Variants in CTNNA3 observed in about 807,000 individuals in gnomAD.
The protein encoded by CTNNA3 is catenin alpha-3.
Under a neutral mutation model 95.7 loss-of-function variants are expected in CTNNA3, and 76 were observed. The observed-to-expected ratio is 0.79, with a 90% confidence interval of 0.66 to 0.96. The LOEUF (loss-of-function observed/expected upper bound fraction) is 0.96, where lower values mean the gene tolerates loss of function less well. CTNNA3 is among the 40% of genes least tolerant of loss of function. The pLI is 0.00. For synonymous variants in CTNNA3, 431 were observed against 374.4 expected (o/e 1.15, Z -1.74); for missense variants, 1,191 against 1,089.8 (o/e 1.09, Z -1.31).
chr10:67,725,652 A>G (rs1841205806), intron 1 of CTNNA3, among the ~76,000 whole-genome samples: 1 of 151,912 alleles, frequency 6.6e-6, no homozygotes, highest in Admixed American at 6.6e-5. Flanking sequence ...GAGGGAAAAA[A>G]TAAAGAGATA....
intron 10 of CTNNA3, among the ~76,000 whole-genome samples, chr10:66,546,009 G>T (rs1842024502): frequency 6.6e-6 from 1 of 150,896 alleles, no homozygotes; most frequent in African/African-American, 2.4e-5. Flanking sequence ...TGTCAGTTAA[G>T]TATTTTGCAA....
At chr10:66,920,859 C>A (rs1417585877) in intron 7 of CTNNA3, among the ~76,000 whole-genome samples, 1 of 152,114 alleles carries the variant, frequency 6.6e-6, no homozygotes, top group African/African-American at 2.4e-5. Flanking sequence ...TAGAAAAGTT[C>A]TGTTGATTTT....
At chr10:66,099,075 C>T (rs1279585215) in intron 14 of CTNNA3, among the ~76,000 whole-genome samples, 3 of 152,148 alleles carry the variant, frequency 2.0e-5, no homozygotes, top group Non-Finnish European at 4.4e-5. Context: ...AACTGTCACT[C>T]CATTACTAAA....
At chr10:67,567,214 C>T (rs1841836784) in intron 3 of CTNNA3, among the ~76,000 whole-genome samples, 1 of 149,784 alleles carries the variant, frequency 6.7e-6, no homozygotes, top group Non-Finnish European at 1.5e-5. Context: ...AACTATATTT[C>T]CAATAAAACA....
intron 7 of CTNNA3, among the ~76,000 whole-genome samples, chr10:67,163,706 T>C (rs1468546612): frequency 1.3e-5 from 2 of 151,984 alleles, no homozygotes. Flanking sequence ...ATACATGACA[T>C]AATTTTCTAT....
chr10:66,450,011 T>A (rs1416601601), intron 11 of CTNNA3, among the ~76,000 whole-genome samples: 1 of 60,026 alleles, frequency 1.7e-5, no homozygotes, highest in East Asian at 4.7e-4. Context: ...AAGTTCATAA[T>A]TTTTTTTGAG....
chr10:66,292,458 C>T lies in CTNNA3; in HGVS notation c.1733-11837G>A, dbSNP rs564870591. Reference sequence around the variant, plus strand: ...GTCAAAGGAGTTATCATTAAGTTATCATTGAATCAGTTGCTGTGAATTTCG... The same window carrying T: ...GTCAAAGGAGTTATCATTAAGTTATTATTGAATCAGTTGCTGTGAATTTCG... On this transcript the variant is annotated intron_variant, in intron 12 of 17. Transcript: ENST00000433211. Among the ~76,000 whole-genome samples, 3 of 152,236 alleles carry T rather than the reference C, an allele frequency of 2.0e-5. No individual in the cohort carries two copies. The South Asian group carries it at 6.2e-4, about 32-fold the overall frequency.
chr10:67,146,307 A>G (rs1396115326), intron 7 of CTNNA3, among the ~76,000 whole-genome samples: 1 of 152,182 alleles, frequency 6.6e-6, no homozygotes, highest in Non-Finnish European at 1.5e-5. Context: ...ATACATAGAA[A>G]TTGTCTAAGT....
At chr10:66,095,563 A>C (rs1170095684) in intron 14 of CTNNA3, among the ~76,000 whole-genome samples, 1 of 152,124 alleles carries the variant, frequency 6.6e-6, no homozygotes, top group Non-Finnish European at 1.5e-5. Flanking sequence ...GCCTGTTAAA[A>C]TGTTTTTAAT....
At chr10:66,935,716 C>G (rs949810540) in intron 7 of CTNNA3, among the ~76,000 whole-genome samples, 2 of 150,750 alleles carry the variant, frequency 1.3e-5, no homozygotes, top group African/African-American at 2.5e-5. Flanking sequence ...TATTATGTAC[C>G]AGGAATTTGT....
At chr10:66,616,484 C>T (rs1175716192) in intron 10 of CTNNA3, among the ~76,000 whole-genome samples, 1 of 152,062 alleles carries the variant, frequency 6.6e-6, no homozygotes, top group Non-Finnish European at 1.5e-5. Flanking sequence ...CAGGTCTTTT[C>T]CTGGCTAAAA....
chr10:67,199,323 G>T (rs1863524491), intron 6 of CTNNA3, among the ~76,000 whole-genome samples: 1 of 149,168 alleles, frequency 6.7e-6, no homozygotes, highest in Non-Finnish European at 1.5e-5. Flanking sequence ...CATCACTATA[G>T]AAAATTTTAA....
chr10:66,514,394 A>G (rs186920818), intron 11 of CTNNA3, among the ~76,000 whole-genome samples: 1 of 152,248 alleles, frequency 6.6e-6, no homozygotes, highest in Non-Finnish European at 1.5e-5. Context: ...AAGTGAACAT[A>G]TTTAAGAAAA....
intron 5 of CTNNA3, among the ~76,000 whole-genome samples, chr10:67,284,773 T>C (rs1564535038): frequency 6.6e-6 from 1 of 152,324 alleles, no homozygotes; most frequent in Admixed American, 6.5e-5. Context: ...GAGAAAACAT[T>C]GGAATAAGCT....
chr10:67,612,600 G>C (rs1428554829), intron 2 of CTNNA3, among the ~76,000 whole-genome samples: 1 of 152,178 alleles, frequency 6.6e-6, no homozygotes, highest in Non-Finnish European at 1.5e-5. Flanking sequence ...TAAATAAAAA[G>C]TTATAAAAGT....
chr10:67,319,476 T>C (rs1841215223), intron 5 of CTNNA3, among the ~76,000 whole-genome samples: 1 of 152,176 alleles, frequency 6.6e-6, no homozygotes, highest in African/African-American at 2.4e-5. Flanking sequence ...ATTTATTAAA[T>C]AAGTACATGC....
rs369225078 is a variant in CTNNA3, at chr10:66,268,927, G to C, written c.1884+11543C>G. ...AATCATTGAGTCACTACCTTGTAGA[G>C]ACCTATTCAGGAAAACAGGCTGGCA... On this transcript the variant is annotated intron_variant, in intron 13 of 17. Transcript: ENST00000433211. Among the ~76,000 whole-genome samples, 46 of 152,276 alleles carry C rather than the reference G, an allele frequency of 3.0e-4. No individual in the cohort carries two copies. The South Asian group carries it at 9.1e-3, about 30-fold the overall frequency.
At chr10:67,745,626 G>A (rs944401849) in intron 1 of CTNNA3, among the ~76,000 whole-genome samples, 73 of 151,690 alleles carry the variant, frequency 4.8e-4, no homozygotes, top group African/African-American at 1.5e-3. Flanking sequence ...AAACCTGCAC[G>A]CTGTGCACAT....
intron 10 of CTNNA3, among the ~76,000 whole-genome samples, chr10:66,615,453 AAAG>A (rs1406461534): frequency 2.0e-5 from 3 of 151,992 alleles, no homozygotes; most frequent in Non-Finnish European, 4.4e-5. Flanking sequence ...AATATTTTTC[AAAG>A]AAGAAGGAGA....
Sources: gnomAD v4.1 joint callset for allele counts (sites outside exome capture counted in the v4.1 genomes callset) on GRCh38, gnomAD v4.1.1 for gene constraint, MANE v1.5 for transcripts, NCBI Gene and HGNC (gene_info 2026-07-23, HGNC 2026-07-21) for gene names.